Variants in RUNX1 observed in about 807,000 individuals in gnomAD.
RUNX1 encodes runt-related transcription factor 1.
RUNX1 carries 19 observed loss-of-function variants against 42.8 expected under a neutral mutation model. The ratio of observed to expected loss-of-function variants is 0.44; its 90% confidence interval spans 0.31 to 0.65. The LOEUF (loss-of-function observed/expected upper bound fraction) is 0.65, where lower values mean the gene tolerates loss of function less well. Among genes scored for constraint, RUNX1 ranks in the 30% least tolerant of loss-of-function variants. The probability of loss-of-function intolerance (pLI) is 0.07; values close to 1 mark genes in which losing one functional copy is unlikely to be tolerated. For missense variants in RUNX1, 528 were observed against 672.0 expected, an observed-to-expected ratio of 0.79 and a Z score of 2.37; for synonymous variants, 271 against 289.4, an observed-to-expected ratio of 0.94 and a Z score of 0.64.
At chr21:34,967,283 G>T (rs1368097623) in intron 2 of RUNX1, among the ~76,000 whole-genome samples, 1 of 112,026 alleles carries the variant, frequency 8.9e-6, no homozygotes, top group Non-Finnish European at 1.7e-5. Flanking sequence ...TCGCATCATT[G>T]CACTCCAGCC....
chr21:34,806,027 T>C (rs1182032552), intron 7 of RUNX1, among the ~76,000 whole-genome samples: 1 of 152,174 alleles, frequency 6.6e-6, no homozygotes, highest in African/African-American at 2.4e-5. Flanking sequence ...TGGAATCATA[T>C]AAAATGTTCA....
chr21:34,844,667 G>A (rs2057291200), intron 6 of RUNX1, among the ~76,000 whole-genome samples: 1 of 152,214 alleles, frequency 6.6e-6, no homozygotes, highest in Non-Finnish European at 1.5e-5. Context: ...CAGCAGTGTG[G>A]AGGATGATCT....
At chr21:35,019,403 GTA>G (rs907382517) in intron 2 of RUNX1, among the ~76,000 whole-genome samples, 3 of 152,142 alleles carry the variant, frequency 2.0e-5, no homozygotes, top group African/African-American at 7.2e-5. Flanking sequence ...TATTCCACAG[GTA>G]TATGTCTTCT....
At chr21:34,916,342 A>C (rs1240637316) in intron 2 of RUNX1, among the ~76,000 whole-genome samples, 3 of 152,194 alleles carry the variant, frequency 2.0e-5, no homozygotes, top group Non-Finnish European at 4.4e-5. Flanking sequence ...TGTTCAACGA[A>C]CATAATATGG....
chr21:35,017,802 C>A (rs1013324309), intron 2 of RUNX1, among the ~76,000 whole-genome samples: 1 of 152,060 alleles, frequency 6.6e-6, no homozygotes, highest in Non-Finnish European at 1.5e-5. Context: ...AGGGCATTCA[C>A]CCGGGTGCAA....
chr21:34,810,389 C>G (rs183893451), intron 7 of RUNX1, among the ~76,000 whole-genome samples: 3 of 152,296 alleles, frequency 2.0e-5, no homozygotes, highest in African/African-American at 7.2e-5. Flanking sequence ...AGAAGAAAAA[C>G]TCATATGAAT....
At chr21:34,867,862 A>C (rs1294196781) in intron 5 of RUNX1, among the ~76,000 whole-genome samples, 1 of 152,154 alleles carries the variant, frequency 6.6e-6, no homozygotes, top group Non-Finnish European at 1.5e-5. Flanking sequence ...CAGATTTACC[A>C]GTCTTCACTC....
At chr21:34,965,477 A>G (rs1269458048) in intron 2 of RUNX1, among the ~76,000 whole-genome samples, 1 of 151,982 alleles carries the variant, frequency 6.6e-6, no homozygotes, top group African/African-American at 2.4e-5. Flanking sequence ...AAGCATTAAG[A>G]GCAATGAGCC....
intron 6 of RUNX1, among the ~76,000 whole-genome samples, chr21:34,855,965 A>C (rs2057490197): frequency 6.6e-6 from 1 of 152,210 alleles, no homozygotes. Context: ...ATATTACTCT[A>C]AGATATTTCT....
At chr21:34,797,958 C>A (rs1461981294) in intron 8 of RUNX1, 2 of 455,264 alleles carry the variant, frequency 4.4e-6, no homozygotes, top group East Asian at 1.4e-4. Flanking sequence ...ATGCTCAGGA[C>A]AGACCCCCCC....
chr21:34,914,513 G>A (rs762711642), intron 2 of RUNX1, among the ~76,000 whole-genome samples: 8 of 152,046 alleles, frequency 5.3e-5, no homozygotes, highest in Non-Finnish European at 1.2e-4. Flanking sequence ...TCATTTCACG[G>A]GGGGCAGCAT....
chr21:35,013,259 C>T (rs930148128), intron 2 of RUNX1, among the ~76,000 whole-genome samples: 3 of 152,272 alleles, frequency 2.0e-5, no homozygotes, highest in Admixed American at 2.0e-4. Flanking sequence ...CCTTGCCTTG[C>T]AGCAAAGAAA....
chr21:34,837,335 C>T (rs2057162266), intron 6 of RUNX1, among the ~76,000 whole-genome samples: 2 of 152,070 alleles, frequency 1.3e-5, no homozygotes, highest in African/African-American at 4.8e-5. Flanking sequence ...CTCAGGCTCA[C>T]AATGGTGCTG....
chr21:34,868,255 TGAAAGGA>T (rs2057691024), intron 5 of RUNX1, among the ~76,000 whole-genome samples: 1 of 152,124 alleles, frequency 6.6e-6, no homozygotes, highest in Non-Finnish European at 1.5e-5. Context: ...TGGCGCTGCT[TGAAAGGA>T]GAAAGGAGAG....
chr21:35,041,354 C>A (rs1472876598), intron 2 of RUNX1, among the ~76,000 whole-genome samples: 1 of 152,224 alleles, frequency 6.6e-6, no homozygotes, highest in Admixed American at 6.5e-5. Flanking sequence ...CTGAGATCAG[C>A]AGAGCGATTG....
Position 34,933,589 on chromosome 21 carries a change from G to A in RUNX1, c.59-40626C>T, listed in dbSNP as rs149385086. On this transcript the variant is annotated intron_variant, in intron 2 of 8. Coordinates refer to ENST00000675419, the MANE Select transcript of RUNX1 (RefSeq NM_001754.5). Reference sequence around the variant, plus strand: ...CAAATACTGTTGTTTTACTGTGTTCGACGTATAGTAGCTGAAAGTAGAGTA... The same window carrying A: ...CAAATACTGTTGTTTTACTGTGTTCAACGTATAGTAGCTGAAAGTAGAGTA... Among the ~76,000 whole-genome samples the A allele has an allele frequency of 1.8e-3, 278 of 152,206 alleles. 1 individual carries two copies. The highest frequency in any genetic ancestry group is 6.3e-3 in the African/African-American group (262 of 41,510).
intron 2 of RUNX1, among the ~76,000 whole-genome samples, chr21:35,037,078 A>C (rs1054467787): frequency 6.6e-6 from 1 of 152,214 alleles, no homozygotes. Flanking sequence ...TGTAAATGCA[A>C]GGTCAGCCTT....
At chr21:34,902,322 G>A (rs7283727) in intron 2 of RUNX1, among the ~76,000 whole-genome samples, 6,812 of 152,230 alleles carry the variant, frequency 0.045, 522 homozygotes, top group African/African-American at 0.15. Context: ...GACGACCCTT[G>A]GTGAGCTGGT....
At chr21:34,926,087 T>C (rs1214759951) in intron 2 of RUNX1, among the ~76,000 whole-genome samples, 2 of 152,158 alleles carry the variant, frequency 1.3e-5, no homozygotes, top group South Asian at 2.1e-4. Context: ...GTAATTTTGA[T>C]TAACCTTTTG....
Sources: gnomAD v4.1 joint callset for allele counts (sites outside exome capture counted in the v4.1 genomes callset) on GRCh38, gnomAD v4.1.1 for gene constraint, MANE v1.5 for transcripts, NCBI Gene and HGNC (gene_info 2026-07-23, HGNC 2026-07-21) for gene names.